GPC6: variants seen among roughly 807,000 people sequenced by gnomAD.
GPC6 encodes glypican-6.
A neutral mutation model predicts 55.2 loss-of-function variants in GPC6; 14 were observed. That is an observed-to-expected ratio of 0.25 (90% CI 0.17 to 0.40). The LOEUF (loss-of-function observed/expected upper bound fraction) is 0.40, where lower values mean the gene tolerates loss of function less well. GPC6 is among the 10% of genes least tolerant of loss of function. The pLI is 1.00. For missense variants in GPC6, 641 were observed against 708.5 expected (o/e 0.90, Z 1.08); for synonymous variants, 278 against 259.6 (o/e 1.07, Z -0.68).
chr13:93,504,487 T>TTC (rs1276423870), intron 1 of GPC6, among the ~76,000 whole-genome samples: 2 of 150,882 alleles, frequency 1.3e-5, no homozygotes, highest in Admixed American at 1.3e-4. Context: ...ACATAGTTTT[T>TTC]TTTTTTTTTT....
At chr13:93,256,125 A>AC (rs1876944664) in intron 1 of GPC6, among the ~76,000 whole-genome samples, 1 of 143,496 alleles carries the variant, frequency 7.0e-6, no homozygotes, top group Non-Finnish European at 1.5e-5. Flanking sequence ...AGCCGAGATT[A>AC]CCCCACTGTA....
chr13:94,318,564 G>A (rs11618219), intron 6 of GPC6, among the ~76,000 whole-genome samples: 55,873 of 151,488 alleles, frequency 0.37, 10,634 homozygotes, highest in African/African-American at 0.45. Context: ...AAGAGGCAGG[G>A]CAGGATAGCA....
chr13:93,518,493 C>G (rs1168781946), intron 1 of GPC6, among the ~76,000 whole-genome samples: 6 of 151,836 alleles, frequency 4.0e-5, no homozygotes, highest in Non-Finnish European at 7.4e-5. Flanking sequence ...GAAAACAGAG[C>G]CTTTGACATC....
At chr13:94,082,030 G>C (rs558760131) in intron 4 of GPC6, among the ~76,000 whole-genome samples, 1 of 151,676 alleles carries the variant, frequency 6.6e-6, no homozygotes, top group African/African-American at 2.4e-5. Flanking sequence ...TAGTAGAGAC[G>C]GGGTTTCACC....
At chr13:93,628,125 A>ACT (rs1879281723) in intron 2 of GPC6, among the ~76,000 whole-genome samples, 1 of 152,224 alleles carries the variant, frequency 6.6e-6, no homozygotes, top group African/African-American at 2.4e-5. Context: ...AAACTTAGAA[A>ACT]ATCAAGGGAT....
At chr13:94,158,928 CA>C (rs1156434302) in intron 4 of GPC6, among the ~76,000 whole-genome samples, 1 of 152,052 alleles carries the variant, frequency 6.6e-6, no homozygotes, top group Non-Finnish European at 1.5e-5. Flanking sequence ...CACTATCCCC[CA>C]ATATTAATTC....
intron 1 of GPC6, among the ~76,000 whole-genome samples, chr13:93,439,561 C>T (rs746629344): frequency 6.6e-6 from 1 of 151,914 alleles, no homozygotes; most frequent in Non-Finnish European, 1.5e-5. Context: ...ATAAATTACC[C>T]AGCCTCATGA....
intron 1 of GPC6, among the ~76,000 whole-genome samples, chr13:93,522,052 A>G (rs1350880641): frequency 6.6e-6 from 1 of 151,942 alleles, no homozygotes; most frequent in East Asian, 1.9e-4. Flanking sequence ...TTAAATTTAT[A>G]TTTTAGATAA....
At chr13:93,897,821 C>A (rs1876101667) in intron 3 of GPC6, among the ~76,000 whole-genome samples, 1 of 152,086 alleles carries the variant, frequency 6.6e-6, no homozygotes, top group South Asian at 2.1e-4. Context: ...CAAAAAGTGC[C>A]TAATAGGCTA....
At chr13:94,373,424 C>T (rs965649183) in intron 6 of GPC6, among the ~76,000 whole-genome samples, 1 of 152,040 alleles carries the variant, frequency 6.6e-6, no homozygotes, top group Non-Finnish European at 1.5e-5. Context: ...AATGCAGAAG[C>T]CTCAGGAGCC....
rs116109372 is a variant in GPC6 at position 94,005,765 on chromosome 13, C to A, written c.712-21964C>A. ...CATGTTTATTATTTTATTCCCATCC[C>A]GTTCCATCTGGCTTATCTCCTTCTG... On this transcript the variant is annotated intron_variant, in intron 3 of 8. Coordinates refer to ENST00000377047, the MANE Select transcript of GPC6 (RefSeq NM_005708.5). Among the ~76,000 whole-genome samples the A allele has an allele frequency of 5.6e-3, 854 of 152,234 alleles. 9 individuals are homozygous for A. Among genetic ancestry groups the A allele is most frequent in the African/African-American group, 0.02 (814 of 41,540 alleles).
At chr13:94,199,490 A>C (rs1355273658) in intron 4 of GPC6, among the ~76,000 whole-genome samples, 3 of 152,242 alleles carry the variant, frequency 2.0e-5, no homozygotes, top group Middle Eastern at 3.4e-3. Flanking sequence ...TAAATTTGGA[A>C]CAATAACATT....
Position 94,367,048 on chromosome 13 carries a change from G to C in GPC6, c.1153-15366G>C, listed in dbSNP as rs77245662. Among the ~76,000 whole-genome samples the C allele has an allele frequency of 4.8e-3, 726 of 152,254 alleles. 16 individuals are homozygous for C. The East Asian group carries it at 0.073, about 15-fold the overall frequency. ...ACTGCCTAGCGAGGGGAGATGACTT[G>C]GCTTAGGTCAAAGCAACAAATCCCA... On this transcript the variant is annotated intron_variant, in intron 6 of 8. Coordinates refer to ENST00000377047, the MANE Select transcript of GPC6 (RefSeq NM_005708.5).
At chr13:94,135,589 G>T (rs1010671607) in intron 4 of GPC6, among the ~76,000 whole-genome samples, 2 of 152,218 alleles carry the variant, frequency 1.3e-5, no homozygotes, top group African/African-American at 4.8e-5. Context: ...CACCCGTCAG[G>T]GTTGTCTCTG....
chr13:94,073,528 GC>G (rs1197353068), intron 4 of GPC6, among the ~76,000 whole-genome samples: 1 of 152,060 alleles, frequency 6.6e-6, no homozygotes. Flanking sequence ...TAAATAATTT[GC>G]CATTTTAATG....
intron 4 of GPC6, among the ~76,000 whole-genome samples, chr13:94,165,644 TA>T (rs141184665): frequency 0.021 from 3,206 of 152,180 alleles, 115 homozygotes; most frequent in African/African-American, 0.072. Context: ...TCTATGGAAA[TA>T]AAAATTTTTT....
intron 2 of GPC6, among the ~76,000 whole-genome samples, chr13:93,658,380 G>T (rs1397449615): frequency 6.6e-6 from 1 of 151,698 alleles, no homozygotes; most frequent in Non-Finnish European, 1.5e-5. Context: ...TTATTCTATT[G>T]TATTAATATA....
chr13:94,299,572 A>C (rs1320988648), intron 5 of GPC6, among the ~76,000 whole-genome samples: 3 of 152,216 alleles, frequency 2.0e-5, no homozygotes, highest in African/African-American at 7.2e-5. Flanking sequence ...AGAGGCCTGC[A>C]GGAGCTTGTT....
intron 1 of GPC6, among the ~76,000 whole-genome samples, chr13:93,442,319 C>G (rs1257004184): frequency 6.6e-6 from 1 of 152,168 alleles, no homozygotes; most frequent in African/African-American, 2.4e-5. Context: ...GAAATTGCTA[C>G]TGCAGCCTCC....
Sources: gnomAD v4.1 joint callset for allele counts (sites outside exome capture counted in the v4.1 genomes callset) on GRCh38, gnomAD v4.1.1 for gene constraint, MANE v1.5 for transcripts, NCBI Gene and HGNC (gene_info 2026-07-23, HGNC 2026-07-21) for gene names.